KIF22: variants seen among roughly 807,000 people sequenced by gnomAD.
KIF22 encodes the protein kinesin family member 22.
Under a neutral mutation model 73.0 loss-of-function variants are expected in KIF22, and 62 were observed. The ratio of observed to expected loss-of-function variants is 0.85; its 90% CI spans 0.69 to 1.05. KIF22 has a LOEUF of 1.05. Among genes scored for constraint, KIF22 ranks in the 50% least tolerant of loss-of-function variants. The probability of loss-of-function intolerance (pLI) is 0.00; values close to 1 mark genes in which losing one functional copy is unlikely to be tolerated. For synonymous variants in KIF22, 411 were observed against 340.1 expected, an observed-to-expected ratio of 1.21 and a Z score of -2.29; for missense variants, 854 against 870.1, an observed-to-expected ratio of 0.98 and a Z score of 0.23.
chr16:29,803,655 A>G (rs375092439), intron 10 of KIF22, 47 bp downstream of exon 10: 19 of 1,465,612 alleles, frequency 1.3e-5, no homozygotes, highest in Non-Finnish European at 1.6e-5. Context: ...CTGAGATCCT[A>G]TAAGGGAGGA....
Position 29,798,422 on chromosome 16 carries a change from A to G in KIF22, c.315A>G (p.Ala105=), listed in dbSNP as rs1371869490. 6.2e-7 allele frequency: 1 copy of G among 1,613,418 alleles called. No individual in the cohort carries two copies. The highest frequency in any genetic ancestry group is 1.7e-5 in the Admixed American group (1 of 59,916). Residue 105 remains alanine (A), a synonymous_variant, in exon 3 of 14, where the codon GCA becomes GCG. Transcript: ENST00000160827. This position sits in a 1 kb window ranked among gnomAD's most constrained non-coding sequence, Gnocchi z 4.1. The stretch of plus-strand genomic sequence containing the variant: ...GGAGTACTCAGCAGGACATCTATGC[A>G]GGTTCAGTGCAGCCCATCCTAAGGC... ...GERSTQQDIY[A]GSVQPILRHL... is the part of the protein sequence containing the mutation.
rs570149400 is a variant in KIF22 at position 29,803,027 on chromosome 16, G to A, written c.1449+90G>A. ...CAGACAGGGAAGGACACTCAGGCTG[G>A]ACTAGAGTCCAGTTTTCTCCCAATA... On this transcript the variant is annotated intron_variant, in intron 9 of 13. Coordinates refer to ENST00000160827, the MANE Select transcript of KIF22 (RefSeq NM_007317.3). 1,242 of 1,324,570 alleles carry A rather than the reference G, an allele frequency of 9.4e-4. 4 individuals are homozygous for A. Among genetic ancestry groups the A allele is most frequent in the Admixed American group, 5.7e-3 (270 of 47,420 alleles). The allele number at this position is 1,324,570 out of a possible 1,614,324, so 82.1% of individuals were successfully genotyped here. A position where few individuals can be genotyped will look rare whatever the true frequency, so the allele number is the denominator to read the frequency against.
At position 29,793,211 on chromosome 16, in the gene KIF22, G is replaced by C. The variant is rs986263854; in HGVS notation, c.70+2382G>C. On this transcript the variant is annotated intron_variant, in intron 1 of 13. Transcript: ENST00000160827. ...TAATCCCAGCATTTTGGGAGACCAA[G>C]GTGGGTGGATCACGAGGTCAAGAGA... Among the ~76,000 whole-genome samples the C allele has an allele frequency of 1.7e-4, 26 of 152,204 alleles. 1 individual carries two copies. The highest frequency in any genetic ancestry group is 5.9e-5 in the Non-Finnish European group (4 of 68,048).
chr16:29,791,238 G>A (rs1017757916), intron 1 of KIF22: 2 of 1,057,638 alleles, frequency 1.9e-6, no homozygotes, highest in Admixed American at 1.1e-4. Flanking sequence ...ATTGGGAAGG[G>A]TTCTGTGTGG....
In KIF22 at chr16:29,803,513, A is replaced by C. The variant is rs968635150; in HGVS notation, c.1514A>C (p.Glu505Ala). 2 of 1,614,226 alleles carry C rather than the reference A, an allele frequency of 1.2e-6. No homozygotes were observed. Among genetic ancestry groups the C allele is most frequent in the Middle Eastern group, 3.3e-4 (2 of 6,062 alleles). Residue 505 changes from glutamate to alanine, a missense_variant, in exon 10 of 14, where the codon GAG becomes GCG. Glu to Ala is a moderately radical substitution (Grantham distance 107, BLOSUM62 -1). Transcript: ENST00000160827. ...TTGGCCCAGAAGGCTGAGGAAAAGGAGAACCATTGTCCCACAATGCTCCGG... is the reference window on the plus strand; with the variant it reads ...TTGGCCCAGAAGGCTGAGGAAAAGGCGAACCATTGTCCCACAATGCTCCGG... ...KMLAQKAEEKENHCPTMLRPL... is the reference protein window; with the variant it reads ...KMLAQKAEEKANHCPTMLRPL...
At chr16:29,794,959 G>A (rs1412062805) in intron 1 of KIF22, among the ~76,000 whole-genome samples, 2 of 152,184 alleles carry the variant, frequency 1.3e-5, no homozygotes, top group Non-Finnish European at 2.9e-5. Flanking sequence ...GCTAATAAAT[G>A]TCAGAGCTGG....
At chr16:29,803,368 C>A (rs1438244649) in intron 9 of KIF22, 81 bp from the exon 10 acceptor site, 2 of 1,547,748 alleles carry the variant, frequency 1.3e-6, no homozygotes, top group South Asian at 1.2e-5. Context: ...CAGAGCCTTG[C>A]ATACTCACCC....
chr16:29,796,883 TCTC>T lies in KIF22; in HGVS notation c.71-5_71-3del, dbSNP rs1213374437. ...TACTTCATGTCTAAAAGTGATCTTC[TCTC>T]CTCCAGGAGCTGGTCGCTGTCGGCT... On this transcript the variant is annotated splice_polypyrimidine_tract_variant and splice_region_variant and intron_variant, in intron 1 of 13. Transcript: ENST00000160827. 7 of 1,613,444 alleles carry T rather than the reference TCTC, an allele frequency of 4.3e-6. No individual in the cohort carries two copies. In the East Asian group the frequency reaches 1.1e-4, roughly 26 times the overall value.
chr16:29,802,830 C>T lies in KIF22; in HGVS notation c.1342C>T (p.Arg448Cys), dbSNP rs759881029. ...GCTGGAGCGCCTCCTCAGCTTGGAC[C>T]GTCTGCTTGCCTCCCAGGGGAGCCA... ...AMLERLLSLD[R>C]LLASQGSQGA... is the part of the protein sequence containing the mutation. The change falls in exon 9 of 14, where the codon CGT (arginine) becomes TGT (cysteine). Residue 448 changes from arginine (R) to cysteine (C), a missense_variant. Physicochemically the swap from Arg to Cys is radical, Grantham distance 180. Transcript: ENST00000160827. 3.7e-6 allele frequency: 6 copies of T among 1,611,180 alleles called. No homozygotes were observed. The highest frequency in any genetic ancestry group is 5.1e-6 in the Non-Finnish European group (6 of 1,178,946).
In KIF22 at chr16:29,799,753, T is replaced by C; in HGVS notation, c.1116T>C (p.Pro372=). ...GGTCCAAGGAGGTGATCAATCGGCC[T>C]TTTACCAATGAGAGCCTGCAGCCTC... is the stretch of plus-strand genomic sequence containing the variant. ...AARSKEVINR[P]FTNESLQPHA... The change falls in exon 7 of 14, where the codon CCT becomes CCC. Residue 372 remains proline (P), a synonymous_variant. Transcript: ENST00000160827. 1 of 1,613,166 alleles carries C rather than the reference T, an allele frequency of 6.2e-7. No homozygotes were observed. Among genetic ancestry groups the C allele is most frequent in the Non-Finnish European group, 8.5e-7 (1 of 1,179,560 alleles).
intron 11 of KIF22, chr16:29,804,592 G>A: frequency 2.9e-6 from 2 of 693,188 alleles, no homozygotes; most frequent in Non-Finnish European, 5.3e-6. Flanking sequence ...CATGAGAAGG[G>A]TGCTAATATT....
rs1899035104 is a variant in KIF22, at chr16:29,799,100, C to G, written c.675C>G (p.Phe225Leu). The change falls in exon 5 of 14, where the codon TTC becomes TTG. Residue 225 changes from phenylalanine to leucine, a missense_variant. This residue lies in a region of KIF22 where 245 missense variants were observed against 351.8 expected (regional missense o/e 0.70). Transcript: ENST00000160827. ...GCTTTGCTGATTTTGAGCGGCACTT[C>G]CTGCCAGCCAGTCGAAATCGGACTG... ...ISSFADFERH[F>L]LPASRNRTVG... 6.2e-7 allele frequency: 1 copy of G among 1,614,052 alleles called. No individual in the cohort carries two copies. Among genetic ancestry groups the G allele is most frequent in the Admixed American group, 1.7e-5 (1 of 60,008 alleles).
chr16:29,801,090 C>T (rs570462031), intron 8 of KIF22, among the ~76,000 whole-genome samples: 1 of 152,288 alleles, frequency 6.6e-6, no homozygotes, highest in Non-Finnish European at 1.5e-5. Flanking sequence ...CCAGCTTCTC[C>T]ATGACTCTCC....
chr16:29,803,725 G>T, intron 10 of KIF22, 117 bp downstream of exon 10: 1 of 884,308 alleles, frequency 1.1e-6, no homozygotes, highest in Non-Finnish European at 1.7e-6. Flanking sequence ...CCAGTCCCAG[G>T]GAGGGGTGAG....
At chr16:29,792,163 G>A (rs1898835420) in intron 1 of KIF22, among the ~76,000 whole-genome samples, 1 of 64,128 alleles carries the variant, frequency 1.6e-5, no homozygotes, top group Admixed American at 2.2e-4. Flanking sequence ...TCTTATTTAT[G>A]ATGTAAGATG....
Position 29,802,839 on chromosome 16 carries a change from G to T in KIF22, c.1351G>T (p.Ala451Ser), listed in dbSNP as rs1433135241. 6.8e-6 allele frequency: 11 copies of T among 1,611,418 alleles called. No homozygotes were observed. Among genetic ancestry groups the T allele is most frequent in the Admixed American group, 1.7e-5 (1 of 59,510 alleles). ...CCTCCTCAGCTTGGACCGTCTGCTT[G>T]CCTCCCAGGGGAGCCAGGGGGCCCC... ...ERLLSLDRLL[A>S]SQGSQGAPLL... The change falls in exon 9 of 14, where the codon GCC becomes TCC. Residue 451 changes from alanine to serine, a missense_variant. Ala to Ser is a moderately conservative substitution (Grantham distance 99). Around this residue, in one of 3 missense-constraint regions of KIF22, gnomAD observed 423 missense variants for 365.4 expected, o/e 1.16. Coordinates refer to ENST00000160827, the MANE Select transcript of KIF22 (RefSeq NM_007317.3).
At position 29,797,011 on chromosome 16, in the gene KIF22, C is replaced by T. The variant is rs748768577; in HGVS notation, c.189C>T (p.Pro63=). Reference sequence around the variant, plus strand: ...ATGGAACAGCGGGAGCAAGTGATCCCCCCTGTGTGCGGGGCATGGACAGCT... The same window carrying T: ...ATGGAACAGCGGGAGCAAGTGATCCTCCCTGTGTGCGGGGCATGGACAGCT... ...FVDGTAGASD[P]PCVRGMDSCS... is the part of the protein sequence containing the mutation. Residue 63 remains proline, a synonymous_variant, in exon 2 of 14, where the codon CCC becomes CCT. Coordinates refer to ENST00000160827, the MANE Select transcript of KIF22 (RefSeq NM_007317.3). This position sits in a 1 kb window ranked among gnomAD's most constrained non-coding sequence, Gnocchi z 4.1. The T allele has an allele frequency of 1.9e-6, 3 of 1,613,904 alleles. No individual in the cohort carries two copies. The highest frequency in any genetic ancestry group is 1.7e-4 in the Middle Eastern group (1 of 6,060).
rs771855229 is a variant in KIF22 at position 29,797,021 on chromosome 16, C to A, written c.199C>A (p.Arg67=). 6.2e-7 allele frequency: 1 copy of A among 1,613,220 alleles called. No homozygotes were observed. The highest frequency in any genetic ancestry group is 2.2e-5 in the East Asian group (1 of 44,810). ...TAGASDPPCV[R]GMDSCSLEIA... ...GGGAGCAAGTGATCCCCCCTGTGTG[C>A]GGGGCATGGACAGCTGCTCTCTAGA... Residue 67 remains arginine (R), a synonymous_variant, in exon 2 of 14, where the codon CGG becomes AGG. Transcript: ENST00000160827. This position sits in a 1 kb window ranked among gnomAD's most constrained non-coding sequence, Gnocchi z 4.1.
chr16:29,793,329 A>G (rs1172010751), intron 1 of KIF22, among the ~76,000 whole-genome samples: 1 of 152,154 alleles, frequency 6.6e-6, no homozygotes, highest in African/African-American at 2.4e-5. Context: ...AGTCCCAGCT[A>G]TTCGGGAGGC....
Sources: allele counts gnomAD v4.1 joint callset (sites outside exome capture counted in the v4.1 genomes callset), GRCh38; gene constraint gnomAD v4.1.1; regional missense constraint gnomAD v4.1.1; non-coding constraint Gnocchi (gnomAD v3.1); transcripts MANE v1.5; gene names NCBI Gene and HGNC (gene_info 2026-07-23, HGNC 2026-07-21).